FRMPD4: variants seen among roughly 807,000 people sequenced by gnomAD.
FRMPD4 encodes the protein FERM and PDZ domain containing 4.
A neutral mutation model predicts 94.1 loss-of-function variants in FRMPD4; 22 were observed. The ratio of observed to expected loss-of-function variants is 0.23; its 90% CI spans 0.17 to 0.33. The LOEUF (loss-of-function observed/expected upper bound fraction) is 0.33, where lower values mean the gene tolerates loss of function less well. Among genes scored for constraint, FRMPD4 ranks in the 10% least tolerant of loss-of-function variants. FRMPD4 has a pLI of 1.00. For synonymous variants in FRMPD4, 631 were observed against 548.6 expected, an observed-to-expected ratio of 1.15 and a Z score of -2.10; for missense variants, 1,111 against 1,339.9, an observed-to-expected ratio of 0.83 and a Z score of 2.67.
At chrX:12,208,735 A>T (rs2056722462) in intron 1 of FRMPD4, among the ~76,000 whole-genome samples, 1 of 112,077 alleles carries the variant, frequency 8.9e-6, no homozygotes, top group Non-Finnish European at 1.9e-5. Flanking sequence ...GAACCTTAGT[A>T]ATTTTTTAAT....
chrX:12,497,119 A>G (rs768230299), intron 1 of FRMPD4, among the ~76,000 whole-genome samples: 78 of 111,549 alleles, frequency 7.0e-4, no homozygotes, highest in African/African-American at 2.5e-3. Flanking sequence ...TTTGTTTTCA[A>G]TAAGTTAGCC....
At chrX:12,252,836 G>A (rs1005315382) in intron 1 of FRMPD4, among the ~76,000 whole-genome samples, 4 of 111,794 alleles carry the variant, frequency 3.6e-5, no homozygotes, top group Non-Finnish European at 7.5e-5. Context: ...ATTTGTAACA[G>A]AATGAAAGTG....
chrX:11,824,526 C>T (rs2053430004), intron 1 of FRMPD4, among the ~76,000 whole-genome samples: 1 of 111,296 alleles, frequency 9.0e-6, no homozygotes, highest in African/African-American at 3.3e-5. Flanking sequence ...AGCATACTCC[C>T]CTCAGTTGTG....
chrX:12,696,547 CT>C (rs1486944231), intron 9 of FRMPD4, among the ~76,000 whole-genome samples: 1 of 99,249 alleles, frequency 1.0e-5, no homozygotes, highest in Non-Finnish European at 2.0e-5. Context: ...TAACCTCCCC[CT>C]CCCCACTGCC....
intron 2 of FRMPD4, among the ~76,000 whole-genome samples, chrX:12,566,747 TTAA>T (rs1372207497): frequency 8.9e-6 from 1 of 112,030 alleles, no homozygotes; most frequent in East Asian, 2.8e-4. Context: ...AAAGATTACG[TTAA>T]TAACTGCCCA....
At chrX:11,945,113 C>A (rs1347963902) in intron 3 of FRMPD4, among the ~76,000 whole-genome samples, 2 of 111,349 alleles carry the variant, frequency 1.8e-5, no homozygotes, top group African/African-American at 6.5e-5. Context: ...CTTGAGGATT[C>A]CAGTGAACAA....
chrX:12,476,511 A>G (rs2057600424), intron 1 of FRMPD4, among the ~76,000 whole-genome samples: 1 of 110,857 alleles, frequency 9.0e-6, no homozygotes, highest in Non-Finnish European at 1.9e-5. Flanking sequence ...AGAAACTACC[A>G]TCAGAGTGAA....
At chrX:12,325,226 G>A (rs899175398) in intron 1 of FRMPD4, among the ~76,000 whole-genome samples, 6 of 112,071 alleles carry the variant, frequency 5.4e-5, no homozygotes, top group African/African-American at 9.7e-5. Flanking sequence ...TACTGAAAAC[G>A]TAGAGTCTAA....
At chrX:12,053,418 GAAAGAAAGAAAGAGAA>G (rs1435373909) in intron 3 of FRMPD4, among the ~76,000 whole-genome samples, 2 of 89,738 alleles carry the variant, frequency 2.2e-5, no homozygotes, top group African/African-American at 4.1e-5. Context: ...AAGAAAGAAA[GAAAGAAAGAAAGAGAA>G]AGAAAGAAGA....
chrX:12,590,890 A>G (rs73632690), intron 2 of FRMPD4, among the ~76,000 whole-genome samples: 4,912 of 112,062 alleles, frequency 0.044, 295 homozygotes, highest in African/African-American at 0.15. Flanking sequence ...TGCTATTGAC[A>G]TGACTCTGAA....
intron 1 of FRMPD4, among the ~76,000 whole-genome samples, chrX:12,331,993 A>G (rs1309637984): frequency 3.3e-5 from 2 of 61,106 alleles, no homozygotes; most frequent in Non-Finnish European, 5.4e-5. Flanking sequence ...TACTATATAT[A>G]AATTATATAT....
At chrX:12,698,355 C>T (rs1815156178) in intron 9 of FRMPD4, among the ~76,000 whole-genome samples, 1 of 111,476 alleles carries the variant, frequency 9.0e-6, no homozygotes, top group South Asian at 3.8e-4. Flanking sequence ...TTTACCTGTC[C>T]ACTATCTGTT....
chrX:12,424,286 G>A (rs1019630518), intron 1 of FRMPD4, among the ~76,000 whole-genome samples: 2 of 112,286 alleles, frequency 1.8e-5, no homozygotes, highest in African/African-American at 3.2e-5. Flanking sequence ...TGCAATGAAG[G>A]CTTTACTTAG....
chrX:11,947,884 C>T (rs189730856), intron 3 of FRMPD4, among the ~76,000 whole-genome samples: 89 of 108,639 alleles, frequency 8.2e-4, no homozygotes, highest in Non-Finnish European at 1.5e-3. Context: ...GTTGGGAGTT[C>T]GAGACCAGCA....
At chrX:12,010,492 A>G (rs1027592627) in intron 3 of FRMPD4, among the ~76,000 whole-genome samples, 1 of 112,175 alleles carries the variant, frequency 8.9e-6, no homozygotes, top group South Asian at 3.7e-4. Context: ...GTTTTCTGTG[A>G]TGAGCCAGTT....
intron 1 of FRMPD4, among the ~76,000 whole-genome samples, chrX:12,160,704 A>C (rs1286384188): frequency 1.8e-5 from 2 of 111,752 alleles, no homozygotes; most frequent in Admixed American, 1.9e-4. Context: ...GGAAGGCAGA[A>C]GGGTATCACA....
chrX:12,528,454 G>T (rs1285415481), intron 2 of FRMPD4, among the ~76,000 whole-genome samples: 1 of 108,086 alleles, frequency 9.3e-6, no homozygotes, highest in Non-Finnish European at 1.9e-5. Flanking sequence ...CCAAGTAACT[G>T]GGACTACTGG....
chrX:12,518,415 C>A (rs1475809848), intron 2 of FRMPD4, among the ~76,000 whole-genome samples: 1 of 111,686 alleles, frequency 9.0e-6, no homozygotes, highest in Non-Finnish European at 1.9e-5. Flanking sequence ...AGCCCAATAA[C>A]CCTGATGAAC....
At chrX:11,859,193 C>T (rs755727412) in intron 1 of FRMPD4, among the ~76,000 whole-genome samples, 7 of 111,552 alleles carry the variant, frequency 6.3e-5, no homozygotes, top group Middle Eastern at 4.6e-3. Flanking sequence ...ATTTTCTGCA[C>T]ATGGGAAGAA....
Sources: allele counts gnomAD v4.1 joint callset (sites outside exome capture counted in the v4.1 genomes callset), GRCh38; gene constraint gnomAD v4.1.1; transcripts MANE v1.5; gene names NCBI Gene and HGNC (gene_info 2026-07-23, HGNC 2026-07-21).